MIR2052HG: variants seen among roughly 807,000 people sequenced by gnomAD.
The protein encoded by MIR2052HG is MIR2052 host gene.
At chr8:74,671,543 T>G (rs1453790338) in intron 2 of MIR2052HG, among the ~76,000 whole-genome samples, 1 of 152,108 alleles carries the variant, frequency 6.6e-6, no homozygotes, top group Non-Finnish European at 1.5e-5. Flanking sequence ...CAAAAGTAGA[T>G]TTTATGTTCT....
intron 2 of MIR2052HG, among the ~76,000 whole-genome samples, chr8:74,615,468 T>C (rs1369984157): frequency 6.6e-6 from 1 of 152,202 alleles, no homozygotes; most frequent in African/African-American, 2.4e-5. Flanking sequence ...TTCCTTTTAG[T>C]CCAGTGTTCT....
intron 2 of MIR2052HG, among the ~76,000 whole-genome samples, chr8:74,634,228 T>A (rs990364375): frequency 3.9e-5 from 6 of 152,068 alleles, no homozygotes; most frequent in Non-Finnish European, 5.9e-5. Flanking sequence ...GAGATTTCAG[T>A]TTAGGTTGGA....
intron 2 of MIR2052HG, among the ~76,000 whole-genome samples, chr8:74,638,839 C>T (rs1169997856): frequency 1.3e-5 from 2 of 152,082 alleles, no homozygotes; most frequent in African/African-American, 4.8e-5. Context: ...TGGGCATCAT[C>T]AGGATACGGA....
chr8:74,623,878 T>A (rs1586894199), intron 2 of MIR2052HG, among the ~76,000 whole-genome samples: 1 of 152,284 alleles, frequency 6.6e-6, no homozygotes, highest in East Asian at 1.9e-4. Flanking sequence ...GAAAGAGAAG[T>A]CTTGTTAAAG....
Position 74,689,140 on chromosome 8 carries a change from T to C in MIR2052HG, n.217-13239T>C, listed in dbSNP as rs1028268049. On this transcript the variant is annotated intron_variant and non_coding_transcript_variant, in intron 2 of 6. Coordinates refer to ENST00000523442, the Ensembl canonical transcript of MIR2052HG. ...TACAACCATACGTGGTTGTATTTTG[T>C]AGTCTGAAGAAGTTTGAGGTGATAT... 5.3e-5 allele frequency among the ~76,000 whole-genome samples: 8 copies of C among 152,312 alleles called. No individual in the cohort carries two copies. In the East Asian group the frequency reaches 1.4e-3, roughly 26 times the overall value.
At chr8:74,695,408 C>G (rs1809285269) in intron 2 of MIR2052HG, among the ~76,000 whole-genome samples, 1 of 151,654 alleles carries the variant, frequency 6.6e-6, no homozygotes, top group South Asian at 2.1e-4. Flanking sequence ...CAATGAAAAC[C>G]AAGGTATTTG....
intron 1 of MIR2052HG, chr8:74,604,158 G>A (rs1461854914): frequency 6.7e-6 from 6 of 890,792 alleles, no homozygotes; most frequent in African/African-American, 3.3e-5. Context: ...CTTTCTTTCC[G>A]ATGATACTGC....
At chr8:74,600,833 C>G (rs1027400931) in intron 1 of MIR2052HG, among the ~76,000 whole-genome samples, 1 of 152,052 alleles carries the variant, frequency 6.6e-6, no homozygotes, top group Non-Finnish European at 1.5e-5. Context: ...CTGAGCCTCC[C>G]AAAGTGCTGG....
intron 2 of MIR2052HG, among the ~76,000 whole-genome samples, chr8:74,668,335 C>T (rs1438178749): frequency 6.6e-6 from 1 of 152,050 alleles, no homozygotes; most frequent in Non-Finnish European, 1.5e-5. Flanking sequence ...CACACACACA[C>T]ACATTTTATA....
At chr8:74,630,393 C>G (rs539855486) in intron 2 of MIR2052HG, among the ~76,000 whole-genome samples, 1 of 151,946 alleles carries the variant, frequency 6.6e-6, no homozygotes, top group South Asian at 2.1e-4. Context: ...TTGCAAATGT[C>G]CATTTTTCTG....
chr8:74,742,448 T>C (rs529833065), intron 4 of MIR2052HG, among the ~76,000 whole-genome samples: 40 of 152,314 alleles, frequency 2.6e-4, no homozygotes, highest in South Asian at 1.0e-3. Context: ...TATTTAAAAA[T>C]AGAATCTATG....
At chr8:74,707,404 A>G (rs146110187) in intron 4 of MIR2052HG, among the ~76,000 whole-genome samples, 1 of 152,288 alleles carries the variant, frequency 6.6e-6, no homozygotes, top group East Asian at 1.9e-4. Flanking sequence ...TTAGGATAGT[A>G]TCGATATGGT....
chr8:74,743,191 G>C (rs1388093651), intron 4 of MIR2052HG, among the ~76,000 whole-genome samples: 2 of 151,966 alleles, frequency 1.3e-5, no homozygotes, highest in East Asian at 3.9e-4. Context: ...TAAAATATTA[G>C]ATTAAATATA....
chr8:74,719,634 TC>T (rs201920969), intron 4 of MIR2052HG, among the ~76,000 whole-genome samples: 8,779 of 152,146 alleles, frequency 0.058, 330 homozygotes, highest in Middle Eastern at 0.085. Context: ...CTAGGCGCCC[TC>T]CACTTAATAG....
Position 74,642,998 on chromosome 8 carries a change from C to T in MIR2052HG, n.216+30058C>T, listed in dbSNP as rs370170308. Among the ~76,000 whole-genome samples the T allele has an allele frequency of 2.0e-5, 3 of 152,288 alleles. No individual in the cohort carries two copies. The South Asian group carries it at 6.2e-4, about 32-fold the overall frequency. ...TGCATGGCAGGTCACATTCACCTTC[C>T]TTCTGCACTTCCATTCCCTCCAACA... On this transcript the variant is annotated intron_variant and non_coding_transcript_variant, in intron 2 of 6. Coordinates refer to ENST00000523442, the Ensembl canonical transcript of MIR2052HG.
At chr8:74,720,716 G>A (rs1809568282) in intron 4 of MIR2052HG, among the ~76,000 whole-genome samples, 2 of 152,072 alleles carry the variant, frequency 1.3e-5, no homozygotes, top group South Asian at 2.1e-4. Flanking sequence ...AGCTACCTGA[G>A]CCTGGGTAAT....
intron 2 of MIR2052HG, among the ~76,000 whole-genome samples, chr8:74,622,891 G>C (rs150704094): frequency 1.3e-5 from 2 of 151,762 alleles, no homozygotes; most frequent in African/African-American, 2.4e-5. Flanking sequence ...AACCTGGAGA[G>C]CATTACCTTA....
At chr8:74,721,226 C>A (rs1435415295) in intron 4 of MIR2052HG, among the ~76,000 whole-genome samples, 1 of 152,064 alleles carries the variant, frequency 6.6e-6, no homozygotes, top group African/African-American at 2.4e-5. Flanking sequence ...AAAGGTAGCC[C>A]CAGAAGATGA....
chr8:74,710,462 C>G (rs1809456073), intron 4 of MIR2052HG, among the ~76,000 whole-genome samples: 1 of 152,052 alleles, frequency 6.6e-6, no homozygotes, highest in Admixed American at 6.6e-5. Flanking sequence ...GTCTGGGTAC[C>G]ACGTTTTTAA....
Sources: allele counts gnomAD v4.1 joint callset (sites outside exome capture counted in the v4.1 genomes callset), GRCh38; gene constraint gnomAD v4.1.1; transcripts MANE v1.5; gene names NCBI Gene and HGNC (gene_info 2026-07-23, HGNC 2026-07-21).